Variants in PCDHGB1 observed in about 807,000 individuals in gnomAD.
PCDHGB1 encodes the protein protocadherin gamma subfamily B, 1.
In PCDHGB1, 34 loss-of-function variants were observed where a neutral mutation model predicts 56.6. The observed-to-expected ratio is 0.60, with a 90% CI of 0.46 to 0.80. The LOEUF is 0.80. PCDHGB1 is among the 30% of genes least tolerant of loss of function. The probability of loss-of-function intolerance (pLI) is 0.00; values close to 1 mark genes in which losing one functional copy is unlikely to be tolerated. For synonymous variants in PCDHGB1, 561 were observed against 505.9 expected (o/e 1.11, Z -1.46); for missense variants, 1,278 against 1,204.6 (o/e 1.06, Z -0.90).
intron 1 of PCDHGB1, chr5:141,356,657 G>A (rs769198002): frequency 5.0e-6 from 8 of 1,613,976 alleles, no homozygotes; most frequent in Non-Finnish European, 6.8e-6. Flanking sequence ...GACAATGCCC[G>A]AATCACTTAC....
At chr5:141,510,124 A>G (rs2099879540) in intron 3 of PCDHGB1, among the ~76,000 whole-genome samples, 1 of 152,156 alleles carries the variant, frequency 6.6e-6, no homozygotes, top group Admixed American at 6.5e-5. Context: ...AAATACAAAA[A>G]TTAGCTGGGC....
intron 1 of PCDHGB1, among the ~76,000 whole-genome samples, chr5:141,369,915 A>G (rs1429162797): frequency 6.6e-6 from 1 of 152,226 alleles, no homozygotes; most frequent in African/African-American, 2.4e-5. Flanking sequence ...TGAAAATGGA[A>G]ACTAAAAACG....
intron 1 of PCDHGB1, chr5:141,356,265 A>T: frequency 1.3e-6 from 2 of 1,564,982 alleles, no homozygotes; most frequent in Non-Finnish European, 8.7e-7. Context: ...TCACCAGCTC[A>T]GTCCAGGAAT....
chr5:141,392,929 C>G, intron 1 of PCDHGB1: 2 of 1,613,888 alleles, frequency 1.2e-6, no homozygotes, highest in Non-Finnish European at 1.7e-6. Context: ...CCAGAAGAGA[C>G]GGACAAAGGC....
chr5:141,372,053 C>T, intron 1 of PCDHGB1: 1 of 1,613,498 alleles, frequency 6.2e-7, no homozygotes, highest in Middle Eastern at 1.7e-4. Context: ...TGTTGGTGGA[C>T]GACCGCAACG....
chr5:141,511,419 G>A lies in PCDHGB1; in HGVS notation c.*246G>A, dbSNP rs1437533706. On this transcript the variant is annotated 3_prime_UTR_variant, in exon 4 of 4. Coordinates refer to ENST00000523390, the MANE Select transcript of PCDHGB1 (RefSeq NM_018922.3). Reference sequence around the variant, plus strand: ...ATCCAATCAACTGCTGTACCCATGGGGGTAGTGGGGTTACTGTAGACACCA... The same window carrying A: ...ATCCAATCAACTGCTGTACCCATGGAGGTAGTGGGGTTACTGTAGACACCA... 1.2e-6 allele frequency: 1 copy of A among 830,454 alleles called. No individual in the cohort carries two copies. The highest frequency in any genetic ancestry group is 1.7e-5 in the African/African-American group (1 of 58,076). 51.4% of individuals were successfully genotyped at this position (830,454 alleles called of 1,614,324 possible).
chr5:141,430,790 A>G, intron 1 of PCDHGB1: 1 of 1,516,892 alleles, frequency 6.6e-7, no homozygotes, highest in South Asian at 1.3e-5. Context: ...CCGGGACTAC[A>G]AAGGGCTTGT....
Position 141,351,134 on chromosome 5 carries a change from C to T in PCDHGB1, c.874C>T (p.Pro292Ser), listed in dbSNP as rs867124359. Residue 292 changes from proline (P) to serine (S), a missense_variant, in exon 1 of 4, where the codon CCA becomes TCA. Coordinates refer to ENST00000523390, the MANE Select transcript of PCDHGB1 (RefSeq NM_018922.3). ...AAGTACCAGCCTCTTCAATCTCAATCCAAATACTGGCGACATCACAACCAA... is the reference window on the plus strand; with the variant it reads ...AAGTACCAGCCTCTTCAATCTCAATTCAAATACTGGCGACATCACAACCAA... ...PISTSLFNLN[P>S]NTGDITTNGT... 6.2e-7 allele frequency: 1 copy of T among 1,614,022 alleles called. No homozygotes were observed. The highest frequency in any genetic ancestry group is 1.1e-5 in the South Asian group (1 of 91,082).
rs748176272 is a variant in PCDHGB1, at chr5:141,371,620, C to A, written c.2409+18951C>A. On this transcript the variant is annotated intron_variant, in intron 1 of 3. Coordinates refer to ENST00000523390, the MANE Select transcript of PCDHGB1 (RefSeq NM_018922.3). ...ACATACAGGTTGGTGACAGATGGAG[C>A]CCTGGACCGGGAGCAGATCCCAGAA... The A allele has an allele frequency of 2.5e-6, 4 of 1,613,874 alleles. No homozygotes were observed. The African/African-American group carries it at 4.0e-5, about 16-fold the overall frequency.
chr5:141,438,754 T>C (rs1213047429), intron 1 of PCDHGB1, among the ~76,000 whole-genome samples: 3 of 148,368 alleles, frequency 2.0e-5, no homozygotes, highest in African/African-American at 5.0e-5. Context: ...CTCTGCCTCC[T>C]GGGTTCAAGC....
At chr5:141,468,836 A>G (rs1286137807) in intron 1 of PCDHGB1, among the ~76,000 whole-genome samples, 1 of 152,170 alleles carries the variant, frequency 6.6e-6, no homozygotes, top group East Asian at 1.9e-4. Flanking sequence ...ACTGCACTCC[A>G]GCCTGGGCAA....
At position 141,351,145 on chromosome 5, in the gene PCDHGB1, C is replaced by T. The variant is rs2149761070; in HGVS notation, c.885C>T (p.Gly295=). The change falls in exon 1 of 4, where the codon GGC becomes GGT. Residue 295 remains glycine (G), a synonymous_variant. Coordinates refer to ENST00000523390, the MANE Select transcript of PCDHGB1 (RefSeq NM_018922.3). ...TCTTCAATCTCAATCCAAATACTGG[C>T]GACATCACAACCAATGGCACATTGG... ...TSLFNLNPNT[G]DITTNGTLDF... is the part of the protein sequence containing the mutation. The T allele has an allele frequency of 6.2e-7, 1 of 1,613,972 alleles. No homozygotes were observed. The highest frequency in any genetic ancestry group is 8.5e-7 in the Non-Finnish European group (1 of 1,179,868).
In PCDHGB1 at chr5:141,432,357, T is replaced by C. The variant is rs778669079; in HGVS notation, c.2410-62450T>C. 6.2e-7 allele frequency: 1 copy of C among 1,614,244 alleles called. No homozygotes were observed. Among genetic ancestry groups the C allele is most frequent in the African/African-American group, 1.3e-5 (1 of 75,072 alleles). The stretch of plus-strand genomic sequence containing the variant: ...TTCCGAGACTTGCAAGTGAAAGTGA[T>C]GGCGCGGGACAACGGGCACCCGCCC... On this transcript the variant is annotated intron_variant, in intron 1 of 3. Coordinates refer to ENST00000523390, the MANE Select transcript of PCDHGB1 (RefSeq NM_018922.3). This position sits in a 1 kb window ranked among gnomAD's most constrained non-coding sequence, Gnocchi z 6.0.
chr5:141,371,371 A>C (rs745398017), intron 1 of PCDHGB1: 1 of 1,614,032 alleles, frequency 6.2e-7, no homozygotes, highest in Non-Finnish European at 8.5e-7. Context: ...GATGGTGGAC[A>C]TCACACTGCA....
At chr5:141,372,180 G>C in intron 1 of PCDHGB1, 1 of 1,613,652 alleles carries the variant, frequency 6.2e-7, no homozygotes, top group South Asian at 1.1e-5. Flanking sequence ...GGCGGTGGAC[G>C]CAGACTCGGG....
intron 1 of PCDHGB1, chr5:141,372,605 T>A: frequency 6.2e-7 from 1 of 1,614,050 alleles, no homozygotes; most frequent in Non-Finnish European, 8.5e-7. Context: ...AGACTGTACC[T>A]GGAGTTCTCC....
intron 1 of PCDHGB1, chr5:141,391,093 C>A (rs1473023690): frequency 6.6e-6 from 1 of 152,148 alleles, no homozygotes; most frequent in Non-Finnish European, 1.5e-5. Flanking sequence ...GCCTTATCTG[C>A]AGCCCTAAAC....
intron 1 of PCDHGB1, among the ~76,000 whole-genome samples, chr5:141,450,082 C>T (rs2098668421): frequency 6.8e-6 from 1 of 147,384 alleles, no homozygotes. Context: ...TCTTGGCTCA[C>T]TGCAACCTCC....
intron 1 of PCDHGB1, among the ~76,000 whole-genome samples, chr5:141,475,250 A>G (rs941738675): frequency 6.6e-6 from 1 of 152,246 alleles, no homozygotes; most frequent in Non-Finnish European, 1.5e-5. Context: ...AGTGTGCTCT[A>G]CAACTGAGAT....
Sources: allele counts gnomAD v4.1 joint callset (sites outside exome capture counted in the v4.1 genomes callset), GRCh38; gene constraint gnomAD v4.1.1; non-coding constraint Gnocchi (gnomAD v3.1); transcripts MANE v1.5; gene names NCBI Gene and HGNC (gene_info 2026-07-23, HGNC 2026-07-21).